The following SHROOM3 variants were observed in gnomAD, a reference collection of about 807,000 sequenced individuals.
The protein encoded by SHROOM3 is shroom family member 3, also known as protein Shroom3.
SHROOM3 carries 47 observed loss-of-function variants against 138.6 expected under a neutral mutation model. The observed-to-expected ratio is 0.34, with a 90% CI of 0.27 to 0.43. SHROOM3 has a LOEUF of 0.43. Ranked by LOEUF, SHROOM3 falls within the 20% of genes least tolerant of loss-of-function variation. The probability of loss-of-function intolerance (pLI) is 1.00; values close to 1 mark genes in which losing one functional copy is unlikely to be tolerated. For missense variants in SHROOM3, 2,491 were observed against 2,596.5 expected (o/e 0.96, Z 0.88); for synonymous variants, 1,062 against 1,063.3 (o/e 1.00, Z 0.02).
intron 2 of SHROOM3, among the ~76,000 whole-genome samples, chr4:76,659,123 G>C (rs1179268379): frequency 6.6e-6 from 1 of 151,754 alleles, no homozygotes; most frequent in Admixed American, 6.6e-5. Context: ...CTTGGTTCTG[G>C]TGTCCCCTCT....
At chr4:76,627,758 GA>G (rs1196179857) in intron 2 of SHROOM3, among the ~76,000 whole-genome samples, 6 of 150,854 alleles carry the variant, frequency 4.0e-5, no homozygotes, top group Admixed American at 1.3e-4. Flanking sequence ...CTGCAGCCTT[GA>G]ACTCCTGGTC....
chr4:76,476,152 G>A (rs1001232116), intron 1 of SHROOM3, among the ~76,000 whole-genome samples: 3 of 152,184 alleles, frequency 2.0e-5, no homozygotes, highest in Admixed American at 6.5e-5. Flanking sequence ...ACCAGCAGGT[G>A]GGGGAAAATG....
At position 76,741,752 on chromosome 4, in the gene SHROOM3, C is replaced by T. The variant is rs563373640; in HGVS notation, c.3579C>T (p.Asn1193=). 1.3e-6 allele frequency: 2 copies of T among 1,564,958 alleles called. No individual in the cohort carries two copies. The highest frequency in any genetic ancestry group is 2.4e-5 in the East Asian group (1 of 42,316). The change falls in exon 5 of 11, where the codon AAC becomes AAT. Residue 1193 remains asparagine (N), a synonymous_variant. Transcript: ENST00000296043. This position sits in a 1 kb window ranked among gnomAD's most constrained non-coding sequence, Gnocchi z 6.2. ...RRRGDLLSGA[N]GGTRGTQRGD... ...GCGGGGACCTGCTTAGCGGAGCAAACGGTGGAACAAGGGGCACCCAGAGAG... is the reference window on the plus strand; with the variant it reads ...GCGGGGACCTGCTTAGCGGAGCAAATGGTGGAACAAGGGGCACCCAGAGAG...
At chr4:76,730,247 T>C (rs1205634188) in intron 3 of SHROOM3, among the ~76,000 whole-genome samples, 1 of 152,244 alleles carries the variant, frequency 6.6e-6, no homozygotes, top group East Asian at 1.9e-4. Context: ...CATTTTGTTC[T>C]CTAGACCATG....
intron 2 of SHROOM3, among the ~76,000 whole-genome samples, chr4:76,638,197 A>G (rs142787300): frequency 2.0e-5 from 3 of 152,318 alleles, no homozygotes; most frequent in Non-Finnish European, 2.9e-5. Context: ...CTGATGTTGT[A>G]TATTTATAAC....
chr4:76,542,510 A>G (rs1044783935), intron 1 of SHROOM3, among the ~76,000 whole-genome samples: 3 of 152,250 alleles, frequency 2.0e-5, no homozygotes, highest in Non-Finnish European at 4.4e-5. Context: ...ATCCTCATAA[A>G]TGAAAGAAGC....
chr4:76,441,695 C>A (rs1157228078), intron 1 of SHROOM3, among the ~76,000 whole-genome samples: 1 of 152,088 alleles, frequency 6.6e-6, no homozygotes, highest in Non-Finnish European at 1.5e-5. Flanking sequence ...CCTCTTATCT[C>A]CCCAGTGGCT....
chr4:76,591,270 T>C (rs950298468), intron 2 of SHROOM3, among the ~76,000 whole-genome samples: 6 of 152,168 alleles, frequency 3.9e-5, no homozygotes, highest in African/African-American at 1.4e-4. Context: ...CAAATCTGAT[T>C]CCTGCATTGT....
intron 2 of SHROOM3, among the ~76,000 whole-genome samples, chr4:76,600,442 A>G (rs1238607047): frequency 2.0e-5 from 3 of 152,242 alleles, no homozygotes; most frequent in African/African-American, 7.2e-5. Context: ...AAACTGTGGT[A>G]CTTTCAGCTT....
At chr4:76,468,462 G>A (rs999462521) in intron 1 of SHROOM3, among the ~76,000 whole-genome samples, 14 of 152,048 alleles carry the variant, frequency 9.2e-5, no homozygotes, top group Non-Finnish European at 1.9e-4. Flanking sequence ...TAGGATTTTT[G>A]TATAGGTTTT....
intron 2 of SHROOM3, among the ~76,000 whole-genome samples, chr4:76,563,227 A>ACC (rs1183646352): frequency 6.6e-6 from 1 of 152,190 alleles, no homozygotes; most frequent in African/African-American, 2.4e-5. Context: ...AAGTTACCTG[A>ACC]CCACATTCTC....
At chr4:76,642,939 G>T (rs993702023) in intron 2 of SHROOM3, among the ~76,000 whole-genome samples, 3 of 152,130 alleles carry the variant, frequency 2.0e-5, no homozygotes, top group African/African-American at 7.2e-5. Flanking sequence ...AGGAGCAATG[G>T]CTCATGCCTG....
chr4:76,665,408 A>T (rs1718663987), intron 2 of SHROOM3, among the ~76,000 whole-genome samples: 1 of 152,180 alleles, frequency 6.6e-6, no homozygotes, highest in South Asian at 2.1e-4. Flanking sequence ...TGTACCAGGA[A>T]GCTGTGGCAT....
chr4:76,656,043 G>C (rs1378418549), intron 2 of SHROOM3, among the ~76,000 whole-genome samples: 2 of 152,204 alleles, frequency 1.3e-5, no homozygotes, highest in African/African-American at 4.8e-5. Flanking sequence ...TTCTTACCCT[G>C]CTGTATCAGA....
At chr4:76,767,695 A>G (rs1172957995) in intron 9 of SHROOM3, among the ~76,000 whole-genome samples, 2 of 152,038 alleles carry the variant, frequency 1.3e-5, no homozygotes, top group Non-Finnish European at 2.9e-5. Flanking sequence ...ACAAAACAAC[A>G]AAAAAAGCAG....
Position 76,683,707 on chromosome 4 carries a change from G to C in SHROOM3, c.324-26449G>C, listed in dbSNP as rs1020065354. Among the ~76,000 whole-genome samples the C allele has an allele frequency of 2.6e-5, 4 of 152,056 alleles. 1 individual carries two copies. Among genetic ancestry groups the C allele is most frequent in the African/African-American group, 9.7e-5 (4 of 41,412 alleles). The stretch of plus-strand genomic sequence containing the variant: ...TCAGCATAAGAAAGGAATAGAAAAG[G>C]GTAGGCAGAAAGTCAAATATTCAGT... On this transcript the variant is annotated intron_variant, in intron 2 of 10. Transcript: ENST00000296043.
intron 2 of SHROOM3, among the ~76,000 whole-genome samples, chr4:76,612,645 C>T (rs1226654850): frequency 6.6e-6 from 1 of 152,074 alleles, no homozygotes; most frequent in East Asian, 1.9e-4. Context: ...GTTACAAATA[C>T]TTTAAAAAGT....
At chr4:76,744,722 G>C (rs1342581678) in intron 5 of SHROOM3, among the ~76,000 whole-genome samples, 1 of 152,198 alleles carries the variant, frequency 6.6e-6, no homozygotes, top group African/African-American at 2.4e-5. Flanking sequence ...CTGTCTGCCT[G>C]AGTTAAAACC....
At chr4:76,551,480 A>G (rs77944966) in intron 1 of SHROOM3, among the ~76,000 whole-genome samples, 5,903 of 152,298 alleles carry the variant, frequency 0.039, 379 homozygotes, top group African/African-American at 0.13. Context: ...CCGTATCTAC[A>G]GTGTTCATCA....
Sources: gnomAD v4.1 joint callset for allele counts (sites outside exome capture counted in the v4.1 genomes callset) on GRCh38, gnomAD v4.1.1 for gene constraint, Gnocchi (gnomAD v3.1) non-coding constraint, MANE v1.5 for transcripts, NCBI Gene and HGNC (gene_info 2026-07-23, HGNC 2026-07-21) for gene names.